NFATC3: variants seen among roughly 807,000 people sequenced by gnomAD.
NFATC3 encodes the protein nuclear factor of activated T-cells, cytoplasmic 3.
Under a neutral mutation model 98.6 loss-of-function variants are expected in NFATC3, and 46 were observed. The ratio of observed to expected loss-of-function variants is 0.47; its 90% CI spans 0.37 to 0.60. The LOEUF (loss-of-function observed/expected upper bound fraction) is 0.60. Ranked by LOEUF, NFATC3 falls within the 20% of genes least tolerant of loss-of-function variation. The probability of loss-of-function intolerance (pLI) is 0.00; values close to 1 mark genes in which losing one functional copy is unlikely to be tolerated. For missense variants in NFATC3, 1,256 were observed against 1,295.5 expected, an observed-to-expected ratio of 0.97 and a Z score of 0.47; for synonymous variants, 512 against 472.2, an observed-to-expected ratio of 1.08 and a Z score of -1.09.
chr16:68,184,422 C>T (rs933772246), intron 8 of NFATC3, among the ~76,000 whole-genome samples: 10 of 151,954 alleles, frequency 6.6e-5, no homozygotes, highest in East Asian at 3.9e-4. Flanking sequence ...AGGTTTTTTC[C>T]GCAAAAAATG....
intron 3 of NFATC3, among the ~76,000 whole-genome samples, chr16:68,157,010 T>C (rs917063603): frequency 6.6e-6 from 1 of 152,114 alleles, no homozygotes; most frequent in Non-Finnish European, 1.5e-5. Context: ...CTTGAAAAAC[T>C]CACACCTAAT....
At chr16:68,225,596 A>T (rs553829198) in intron 9 of NFATC3, 2 of 152,306 alleles carry the variant, frequency 1.3e-5, no homozygotes, top group South Asian at 4.1e-4. Flanking sequence ...TATTATTAAT[A>T]ATGCTGCTGT....
Position 68,181,482 on chromosome 16 carries a change from A to G in NFATC3, c.1923A>G (p.Arg641=), listed in dbSNP as rs1205381405. Residue 641 remains arginine, a synonymous_variant, in exon 7 of 10, where the codon CGA becomes CGG. Coordinates refer to ENST00000346183, the MANE Select transcript of NFATC3 (RefSeq NM_173165.3). ...AACTCTTTCTTTCAATAGATGGACG[A>G]CCTCAGTGGGAGGTAGAAGGGAAGA... is the stretch of plus-strand genomic sequence containing the variant. ...IIFLEKGQDG[R]PQWEVEGKII... 4 of 1,611,418 alleles carry G rather than the reference A, an allele frequency of 2.5e-6. No individual in the cohort carries two copies. The African/African-American group carries it at 5.3e-5, about 22-fold the overall frequency.
intron 3 of NFATC3, among the ~76,000 whole-genome samples, chr16:68,154,748 G>A (rs1164823669): frequency 1.3e-5 from 2 of 152,208 alleles, no homozygotes; most frequent in East Asian, 3.8e-4. Context: ...AGTGGTTCAT[G>A]CAATAAGGCC....
intron 5 of NFATC3, among the ~76,000 whole-genome samples, chr16:68,169,024 A>T (rs1043272617): frequency 6.6e-6 from 1 of 152,122 alleles, no homozygotes; most frequent in African/African-American, 2.4e-5. Context: ...GGCACAAGTG[A>T]TCCTCCCATC....
At chr16:68,183,531 G>T (rs1296803992) in intron 8 of NFATC3, among the ~76,000 whole-genome samples, 165 bp downstream of exon 8, 1 of 152,100 alleles carries the variant, frequency 6.6e-6, no homozygotes, top group Non-Finnish European at 1.5e-5. Context: ...TATTAGATGT[G>T]GTCTCAGTTG....
In NFATC3 at chr16:68,191,133, G is replaced by T. The variant is rs751382868; in HGVS notation, c.2464G>T (p.Ala822Ser). 1 of 1,614,056 alleles carries T rather than the reference G, an allele frequency of 6.2e-7. No individual in the cohort carries two copies. The highest frequency in any genetic ancestry group is 1.7e-5 in the Admixed American group (1 of 60,000). The change falls in exon 9 of 10, where the codon GCC becomes TCC. Residue 822 changes from alanine (A) to serine (S), a missense_variant. Physicochemically the swap from Ala to Ser is moderately conservative, Grantham distance 99. Coordinates refer to ENST00000346183, the MANE Select transcript of NFATC3 (RefSeq NM_173165.3). ...NGPTCLPINAASSQEFDSVLF... is the reference protein window; with the variant it reads ...NGPTCLPINASSSQEFDSVLF... ...ACCAACTTGTCTTCCTATTAATGCT[G>T]CCTCTAGTCAAGAATTTGATTCAGT... is the stretch of plus-strand genomic sequence containing the variant.
At chr16:68,120,115 A>G (rs1370268952) in intron 1 of NFATC3, among the ~76,000 whole-genome samples, 1 of 128,176 alleles carries the variant, frequency 7.8e-6, no homozygotes, top group Non-Finnish European at 1.7e-5. Flanking sequence ...CTGTCTCTAC[A>G]AAAAAAAAAA....
chr16:68,093,531 C>A (rs934323445), intron 1 of NFATC3, among the ~76,000 whole-genome samples: 1 of 152,290 alleles, frequency 6.6e-6, no homozygotes, highest in East Asian at 1.9e-4. Context: ...ACAACAACAA[C>A]AAAAATCCTA....
chr16:68,168,714 G>T (rs936509145), intron 5 of NFATC3, among the ~76,000 whole-genome samples: 4 of 149,124 alleles, frequency 2.7e-5, no homozygotes, highest in African/African-American at 9.9e-5. Flanking sequence ...TCGAACTCCT[G>T]ACCTCGTGAT....
chr16:68,215,721 A>ATTTT (rs2041606508), intron 9 of NFATC3, among the ~76,000 whole-genome samples: 1 of 104,712 alleles, frequency 9.6e-6, no homozygotes, highest in African/African-American at 4.0e-5. Flanking sequence ...AGAGATTTGC[A>ATTTT]CTTTTTTTTT....
rs1466010086 is a variant in NFATC3, at chr16:68,191,219, A to G, written c.2550A>G (p.Ser850=). ...TGAATCTTGGCTGTCAACCACTGTC[A>G]TCCATACCATTTCATTCTTCAAATT... The part of the protein sequence containing the change: ...GLVNLGCQPL[S]SIPFHSSNSG... The change falls in exon 9 of 10, where the codon TCA becomes TCG. Residue 850 remains serine (S), a synonymous_variant. Coordinates refer to ENST00000346183, the MANE Select transcript of NFATC3 (RefSeq NM_173165.3). 4 of 1,614,070 alleles carry G rather than the reference A, an allele frequency of 2.5e-6. No homozygotes were observed.
chr16:68,162,257 G>A (rs2038929360), intron 4 of NFATC3, among the ~76,000 whole-genome samples: 1 of 152,114 alleles, frequency 6.6e-6, no homozygotes, highest in African/African-American at 2.4e-5. Context: ...ACTTTTTTTA[G>A]GTACTGTAGA....
intron 1 of NFATC3, among the ~76,000 whole-genome samples, chr16:68,109,050 C>G (rs1402604818): frequency 6.6e-6 from 1 of 152,090 alleles, no homozygotes; most frequent in Non-Finnish European, 1.5e-5. Flanking sequence ...TCTTCCTATG[C>G]GAATACCCTG....
In NFATC3 at chr16:68,228,058, G is replaced by A. The variant is rs528736089; in HGVS notation, c.*1587G>A. ...CTAAGGCCAGTTCAGGTCTGGGAAA[G>A]GGAGCTGGCCTATTGCCCACCACCT... On this transcript the variant is annotated 3_prime_UTR_variant, in exon 10 of 10. Transcript: ENST00000346183. 6.6e-6 allele frequency: 1 copy of A among 152,342 alleles called. No homozygotes were observed. Among genetic ancestry groups the A allele is most frequent in the South Asian group, 2.1e-4 (1 of 4,832 alleles). The allele number at this position is 152,342 out of a possible 1,614,324, so 9.4% of individuals were successfully genotyped here. A position where few individuals can be genotyped will look rare whatever the true frequency, so the allele number is the denominator to read the frequency against.
rs1467818447 is a variant in NFATC3, at chr16:68,163,799, C to T, written c.1602-3044C>T. Among the ~76,000 whole-genome samples the T allele has an allele frequency of 8.3e-3, 1,157 of 138,650 alleles. 3 individuals carry two copies. Among genetic ancestry groups the T allele is most frequent in the African/African-American group, 0.03 (1,078 of 36,484 alleles). The allele number at this position is 138,650 out of a possible 152,430, so 91.0% of individuals were successfully genotyped here. A position where few individuals can be genotyped will look rare whatever the true frequency, so the allele number is the denominator to read the frequency against. ...GCAGAGGCGCTCCCCACATCTCAGACGATGGGCGGCCGGGCAGAGACGCTC... is the reference window on the plus strand; with the variant it reads ...GCAGAGGCGCTCCCCACATCTCAGATGATGGGCGGCCGGGCAGAGACGCTC... On this transcript the variant is annotated intron_variant, in intron 4 of 9. Transcript: ENST00000346183.
intron 9 of NFATC3, chr16:68,218,036 A>T: frequency 9.0e-7 from 1 of 1,116,194 alleles, no homozygotes; most frequent in Non-Finnish European, 1.1e-6. Flanking sequence ...TGAAAAATCA[A>T]ATGAATATTT....
chr16:68,163,791 A>G (rs1234131136), intron 4 of NFATC3, among the ~76,000 whole-genome samples: 1 of 147,288 alleles, frequency 6.8e-6, no homozygotes, highest in African/African-American at 2.6e-5. Flanking sequence ...CGCTCCCCAC[A>G]TCTCAGACGA....
At chr16:68,132,987 G>A (rs191982339) in intron 3 of NFATC3, among the ~76,000 whole-genome samples, 321 of 152,176 alleles carry the variant, frequency 2.1e-3, no homozygotes, top group African/African-American at 7.0e-3. Flanking sequence ...TTATTGTGGC[G>A]GGGCGCAGTG....
Sources: allele counts gnomAD v4.1 joint callset (sites outside exome capture counted in the v4.1 genomes callset), GRCh38; gene constraint gnomAD v4.1.1; transcripts MANE v1.5; gene names NCBI Gene and HGNC (gene_info 2026-07-23, HGNC 2026-07-21).